MYO1D: variants seen among roughly 807,000 people sequenced by gnomAD.
MYO1D encodes the protein myosin ID, also known as unconventional myosin-Id.
Under a neutral mutation model 122.0 loss-of-function variants are expected in MYO1D, and 83 were observed. The observed-to-expected ratio is 0.68, with a 90% CI of 0.57 to 0.82. MYO1D has a LOEUF of 0.82. Ranked by LOEUF, MYO1D falls within the 40% of genes least tolerant of loss-of-function variation. The probability of loss-of-function intolerance (pLI) is 0.00; values close to 1 mark genes in which losing one functional copy is unlikely to be tolerated. For missense variants in MYO1D, 1,157 were observed against 1,269.5 expected, an observed-to-expected ratio of 0.91 and a Z score of 1.35; for synonymous variants, 464 against 446.9, an observed-to-expected ratio of 1.04 and a Z score of -0.48.
intron 1 of MYO1D, among the ~76,000 whole-genome samples, chr17:32,823,556 T>C (rs1482877461): frequency 6.6e-6 from 1 of 152,174 alleles, no homozygotes; most frequent in African/African-American, 2.4e-5. Flanking sequence ...GCCCACAGGT[T>C]GGTCATATAT....
chr17:32,775,745 T>C (rs1047272885), intron 4 of MYO1D, 119 bp downstream of exon 4: 2 of 876,900 alleles, frequency 2.3e-6, no homozygotes, highest in South Asian at 2.1e-5. Flanking sequence ...AAAAAGCTAA[T>C]GAAGAAGGGA....
intron 19 of MYO1D, among the ~76,000 whole-genome samples, chr17:32,643,896 A>C (rs891656092): frequency 6.6e-6 from 1 of 151,966 alleles, no homozygotes; most frequent in African/African-American, 2.4e-5. Flanking sequence ...GATTTTTTGA[A>C]GGGTTTTTTG....
At chr17:32,837,980 C>T (rs2090844161) in intron 1 of MYO1D, among the ~76,000 whole-genome samples, 1 of 145,528 alleles carries the variant, frequency 6.9e-6, no homozygotes, top group Non-Finnish European at 1.5e-5. Context: ...TAATACTTTA[C>T]AACATTTTTA....
At chr17:32,800,448 G>A (rs2090451287) in intron 1 of MYO1D, among the ~76,000 whole-genome samples, 2 of 152,140 alleles carry the variant, frequency 1.3e-5, no homozygotes, top group Non-Finnish European at 2.9e-5. Flanking sequence ...GCCAGGCAGA[G>A]AGAGACAAAT....
At position 32,514,625 on chromosome 17, in the gene MYO1D, T is replaced by G. The variant is rs146846447; in HGVS notation, c.2865-19710A>C. ...CTATAAAAATTTGGAAACTAGTCAA[T>G]GTCCAACAACAATGGGTAAATTATA... On this transcript the variant is annotated intron_variant, in intron 21 of 21. Transcript: ENST00000318217. Among the ~76,000 whole-genome samples, 5 of 152,348 alleles carry G rather than the reference T, an allele frequency of 3.3e-5. No homozygotes were observed. In the East Asian group the frequency reaches 9.6e-4, roughly 29 times the overall value.
chr17:32,538,676 G>C (rs1476978826), intron 21 of MYO1D, among the ~76,000 whole-genome samples: 1 of 151,938 alleles, frequency 6.6e-6, no homozygotes, highest in East Asian at 1.9e-4. Context: ...ATTCACAATA[G>C]CAAAGACATG....
intron 12 of MYO1D, among the ~76,000 whole-genome samples, chr17:32,746,285 G>A (rs532633434): frequency 1.9e-4 from 29 of 152,250 alleles, no homozygotes; most frequent in African/African-American, 6.7e-4. Context: ...TTGATCTCAA[G>A]CTACTCTTCC....
intron 1 of MYO1D, among the ~76,000 whole-genome samples, chr17:32,837,529 T>C (rs1046698505): frequency 1.3e-5 from 2 of 152,146 alleles, no homozygotes; most frequent in African/African-American, 4.8e-5. Context: ...AGACTATTTC[T>C]AATTTTTGCT....
At chr17:32,567,473 T>C (rs979478437) in intron 21 of MYO1D, among the ~76,000 whole-genome samples, 2 of 152,208 alleles carry the variant, frequency 1.3e-5, no homozygotes, top group Admixed American at 1.3e-4. Flanking sequence ...GGTGTTGTCG[T>C]CACAATCCTG....
intron 17 of MYO1D, 88 bp from the exon 18 acceptor site, chr17:32,654,709 C>T: frequency 8.0e-7 from 1 of 1,252,200 alleles, no homozygotes; most frequent in Non-Finnish European, 1.1e-6. Flanking sequence ...TTTTGAGTCT[C>T]CCTCCATCTC....
At chr17:32,634,733 G>A (rs2088073821) in intron 20 of MYO1D, among the ~76,000 whole-genome samples, 1 of 152,206 alleles carries the variant, frequency 6.6e-6, no homozygotes, top group African/African-American at 2.4e-5. Flanking sequence ...TTTAGGTCCT[G>A]TTTGACAAAG....
At chr17:32,814,876 C>T (rs888511602) in intron 1 of MYO1D, among the ~76,000 whole-genome samples, 6 of 152,168 alleles carry the variant, frequency 3.9e-5, no homozygotes, top group Non-Finnish European at 7.3e-5. Flanking sequence ...GTGACATGTC[C>T]GACAAAAACG....
At chr17:32,641,525 G>T (rs1046194674) in intron 19 of MYO1D, among the ~76,000 whole-genome samples, 1 of 152,174 alleles carries the variant, frequency 6.6e-6, no homozygotes, top group Non-Finnish European at 1.5e-5. Flanking sequence ...TTCCACAATG[G>T]TTGAACTAGT....
At chr17:32,531,987 T>C (rs373906754) in intron 21 of MYO1D, among the ~76,000 whole-genome samples, 55 of 152,334 alleles carry the variant, frequency 3.6e-4, no homozygotes, top group African/African-American at 1.3e-3. Context: ...TACATCATCA[T>C]CTGGCTGCAA....
In MYO1D at chr17:32,760,563, T is replaced by C; in HGVS notation, c.1100A>G (p.Asn367Ser). 3.1e-6 allele frequency: 5 copies of C among 1,613,892 alleles called. No homozygotes were observed. Among genetic ancestry groups the C allele is most frequent in the African/African-American group, 1.3e-5 (1 of 75,042 alleles). The change falls in exon 9 of 22, where the codon AAC (asparagine) becomes AGC (serine). Residue 367 changes from asparagine (N) to serine (S), a missense_variant. Coordinates refer to ENST00000318217, the MANE Select transcript of MYO1D (RefSeq NM_015194.3). Reference sequence around the variant, plus strand: ...TTTCCCATGGATTGTGGTGTCATAGTTCTTGACCTCAATAATATCATTGAT... The same window carrying C: ...TTTCCCATGGATTGTGGTGTCATAGCTCTTGACCTCAATAATATCATTGAT... ...TRINDIIEVK[N>S]YDTTIHGKNT...
chr17:32,821,789 T>C (rs1366713895), intron 1 of MYO1D, among the ~76,000 whole-genome samples: 2 of 152,174 alleles, frequency 1.3e-5, no homozygotes, highest in Admixed American at 1.3e-4. Flanking sequence ...AGGGATTAGG[T>C]TGTGGACATC....
chr17:32,506,786 T>C (rs2150856515), intron 21 of MYO1D, among the ~76,000 whole-genome samples: 1 of 152,264 alleles, frequency 6.6e-6, no homozygotes, highest in Non-Finnish European at 1.5e-5. Context: ...CAAATACTAA[T>C]CAAAAGAAAG....
At chr17:32,832,780 T>A (rs75975168) in intron 1 of MYO1D, among the ~76,000 whole-genome samples, 1 of 152,194 alleles carries the variant, frequency 6.6e-6, no homozygotes, top group Non-Finnish European at 1.5e-5. Flanking sequence ...GAAAAGTAAA[T>A]GTAAAGAATA....
chr17:32,778,194 C>G (rs770269392), intron 3 of MYO1D, among the ~76,000 whole-genome samples: 1 of 152,318 alleles, frequency 6.6e-6, no homozygotes, highest in African/African-American at 2.4e-5. Context: ...GATGGGAACA[C>G]TTTCAACTGT....
Sources: gnomAD v4.1 joint callset for allele counts (sites outside exome capture counted in the v4.1 genomes callset) on GRCh38, gnomAD v4.1.1 for gene constraint, MANE v1.5 for transcripts, NCBI Gene and HGNC (gene_info 2026-07-23, HGNC 2026-07-21) for gene names.